The following CAMTA1 variants were observed in gnomAD, a reference collection of about 807,000 sequenced individuals.
CAMTA1 encodes the protein calmodulin-binding transcription activator 1.
In CAMTA1, 27 loss-of-function variants were observed where a neutral mutation model predicts 170.9. The observed-to-expected ratio is 0.16, with a 90% CI of 0.12 to 0.22. CAMTA1 has a LOEUF of 0.22. Ranked by LOEUF, CAMTA1 falls within the 10% of genes least tolerant of loss-of-function variation. CAMTA1 has a pLI of 1.00. For synonymous variants in CAMTA1, 833 were observed against 891.5 expected, an observed-to-expected ratio of 0.93 and a Z score of 1.17; for missense variants, 1,619 against 2,217.2, an observed-to-expected ratio of 0.73 and a Z score of 5.42.
intron 20 of CAMTA1, among the ~76,000 whole-genome samples, chr1:7,752,109 T>A (rs556709429): frequency 2.6e-5 from 4 of 152,346 alleles, no homozygotes; most frequent in Admixed American, 1.3e-4. Flanking sequence ...AATCACCTTG[T>A]AAACTAAGAA....
chr1:7,742,953 C>G (rs1317302407), intron 16 of CAMTA1, among the ~76,000 whole-genome samples: 2 of 152,100 alleles, frequency 1.3e-5, no homozygotes, highest in African/African-American at 4.8e-5. Context: ...CTTGGCCTCT[C>G]TAGTATCTGG....
At chr1:7,335,590 G>A (rs568236335) in intron 5 of CAMTA1, among the ~76,000 whole-genome samples, 47 of 152,062 alleles carry the variant, frequency 3.1e-4, no homozygotes, top group Non-Finnish European at 5.3e-4. Flanking sequence ...TATACATCTC[G>A]CTCTGGGGAG....
intron 22 of CAMTA1, among the ~76,000 whole-genome samples, chr1:7,758,745 C>G (rs949804205): frequency 2.0e-5 from 3 of 151,982 alleles, no homozygotes; most frequent in African/African-American, 7.2e-5. Flanking sequence ...ACCATCCTGG[C>G]TAACATGGTG....
In CAMTA1 at chr1:7,212,191, G is replaced by A. The variant is rs544606263; in HGVS notation, c.303-37300G>A. Among the ~76,000 whole-genome samples, 10 of 152,128 alleles carry A rather than the reference G, an allele frequency of 6.6e-5. No homozygotes were observed. The East Asian group carries it at 1.2e-3, about 18-fold the overall frequency. ...GTTAATCTCTACCCCCTTTCTCTCT[G>A]GTTATGTTATTCTTGGAAATAAAAT... On this transcript the variant is annotated intron_variant, in intron 4 of 22. Coordinates refer to ENST00000303635, the MANE Select transcript of CAMTA1 (RefSeq NM_015215.4).
chr1:7,421,846 C>T (rs867512920), intron 5 of CAMTA1, among the ~76,000 whole-genome samples: 2 of 152,090 alleles, frequency 1.3e-5, no homozygotes, highest in Non-Finnish European at 2.9e-5. Context: ...TGCAGGCCCA[C>T]GGGGCACTGG....
intron 6 of CAMTA1, among the ~76,000 whole-genome samples, chr1:7,505,196 G>A (rs1278727013): frequency 6.6e-6 from 1 of 152,246 alleles, no homozygotes; most frequent in Non-Finnish European, 1.5e-5. Flanking sequence ...GCTGGCCAGT[G>A]GCAGGAAAGG....
intron 4 of CAMTA1, among the ~76,000 whole-genome samples, chr1:7,143,517 T>A (rs1646006818): frequency 6.6e-6 from 1 of 152,120 alleles, no homozygotes; most frequent in Admixed American, 6.5e-5. Context: ...GCTTTTCTGG[T>A]CAGATTATTC....
intron 12 of CAMTA1, among the ~76,000 whole-genome samples, chr1:7,734,387 A>C (rs755110204): frequency 2.0e-5 from 3 of 152,258 alleles, no homozygotes; most frequent in Non-Finnish European, 4.4e-5. Flanking sequence ...TTTAAAGCTC[A>C]GCCACTACGC....
At chr1:7,495,965 T>C (rs1408202776) in intron 6 of CAMTA1, among the ~76,000 whole-genome samples, 2 of 152,148 alleles carry the variant, frequency 1.3e-5, no homozygotes, top group Non-Finnish European at 2.9e-5. Flanking sequence ...CATCGTTTCA[T>C]TTCAGGTCGA....
At chr1:7,283,941 TG>T (rs1172126310) in intron 5 of CAMTA1, among the ~76,000 whole-genome samples, 2 of 152,194 alleles carry the variant, frequency 1.3e-5, no homozygotes, top group African/African-American at 4.8e-5. Context: ...TGTGGCTCTC[TG>T]GTTAGGAACT....
At chr1:7,257,152 C>A (rs1016344027) in intron 5 of CAMTA1, among the ~76,000 whole-genome samples, 1 of 151,850 alleles carries the variant, frequency 6.6e-6, no homozygotes, top group East Asian at 1.9e-4. Flanking sequence ...CTCTCTCTTC[C>A]CTAACTACAG....
intron 7 of CAMTA1, among the ~76,000 whole-genome samples, chr1:7,655,597 CACACACCTAT>C (rs1558066543): frequency 2.8e-4 from 6 of 21,490 alleles, no homozygotes. Flanking sequence ...CACCCCTATA[CACACACCTAT>C]ACACACCCAC....
rs771838946 is a variant in CAMTA1 at position 7,397,089 on chromosome 1, T to G, written c.439-70741T>G. Among the ~76,000 whole-genome samples the G allele has an allele frequency of 1.8e-3, 273 of 152,304 alleles. 3 individuals carry two copies. The highest frequency in any genetic ancestry group is 1.8e-3 in the Non-Finnish European group (125 of 68,020). On this transcript the variant is annotated intron_variant, in intron 5 of 22. Coordinates refer to ENST00000303635, the MANE Select transcript of CAMTA1 (RefSeq NM_015215.4). ...ACATTGGTAATAGTTATTTAAATAT[T>G]TGGTAGAACTCAGCAATGAAGTCAT...
At chr1:6,979,411 G>T (rs1440219055) in intron 3 of CAMTA1, among the ~76,000 whole-genome samples, 1 of 152,220 alleles carries the variant, frequency 6.6e-6, no homozygotes, top group African/African-American at 2.4e-5. Flanking sequence ...TCCAGAGAAA[G>T]ATCCATTTAA....
intron 3 of CAMTA1, among the ~76,000 whole-genome samples, chr1:6,954,488 T>C (rs564306335): frequency 9.2e-5 from 14 of 152,346 alleles, no homozygotes; most frequent in Non-Finnish European, 1.8e-4. Flanking sequence ...TGCCTCCAAA[T>C]TGCACACAAT....
At chr1:7,731,596 A>G (rs1246113040) in intron 11 of CAMTA1, among the ~76,000 whole-genome samples, 1 of 151,122 alleles carries the variant, frequency 6.6e-6, no homozygotes, top group Admixed American at 6.6e-5. Flanking sequence ...AAGAAAAGAA[A>G]GAAATGTGGC....
In CAMTA1 at chr1:7,224,340, C is replaced by T. The variant is rs1030561240; in HGVS notation, c.303-25151C>T. ...TCCACTGGATGGCCTAAATTTGCAC[C>T]GCTCTGCAGGCTCTCGTCCCAGTTG... On this transcript the variant is annotated intron_variant, in intron 4 of 22. Coordinates refer to ENST00000303635, the MANE Select transcript of CAMTA1 (RefSeq NM_015215.4). The surrounding 1 kb of genome is among the most constrained non-coding windows in gnomAD (Gnocchi z 5.2). Among the ~76,000 whole-genome samples, 3 of 152,142 alleles carry T rather than the reference C, an allele frequency of 2.0e-5. No homozygotes were observed. The highest frequency in any genetic ancestry group is 7.2e-5 in the African/African-American group (3 of 41,432).
intron 6 of CAMTA1, among the ~76,000 whole-genome samples, chr1:7,584,509 A>T (rs2095291829): frequency 6.6e-6 from 1 of 152,148 alleles, no homozygotes; most frequent in Non-Finnish European, 1.5e-5. Context: ...GTTTGGGCCG[A>T]GTCAAGCAGA....
chr1:7,336,447 G>A (rs2149782319), intron 5 of CAMTA1, among the ~76,000 whole-genome samples: 1 of 152,338 alleles, frequency 6.6e-6, no homozygotes, highest in Middle Eastern at 3.4e-3. Flanking sequence ...CCAGCTGGTG[G>A]AAGCAGCTTC....
Sources: gnomAD v4.1 joint callset for allele counts (sites outside exome capture counted in the v4.1 genomes callset) on GRCh38, gnomAD v4.1.1 for gene constraint, Gnocchi (gnomAD v3.1) non-coding constraint, MANE v1.5 for transcripts, NCBI Gene and HGNC (gene_info 2026-07-23, HGNC 2026-07-21) for gene names.